LRRTM3: variants seen among roughly 807,000 people sequenced by gnomAD.
LRRTM3 encodes leucine-rich repeat transmembrane neuronal protein 3.
Under a neutral mutation model 44.7 loss-of-function variants are expected in LRRTM3, and 24 were observed. That is an observed-to-expected ratio of 0.54 (90% CI 0.39 to 0.76). The LOEUF (loss-of-function observed/expected upper bound fraction) is 0.76, where lower values mean the gene tolerates loss of function less well. Ranked by LOEUF, LRRTM3 falls within the 30% of genes least tolerant of loss-of-function variation. LRRTM3 has a pLI of 0.00. For synonymous variants in LRRTM3, 277 were observed against 278.7 expected, an observed-to-expected ratio of 0.99 and a Z score of 0.06; for missense variants, 587 against 702.2, an observed-to-expected ratio of 0.84 and a Z score of 1.85.
At chr10:67,080,631 C>T (rs1431166022) in intron 2 of LRRTM3, among the ~76,000 whole-genome samples, 2 of 152,062 alleles carry the variant, frequency 1.3e-5, no homozygotes, top group Non-Finnish European at 2.9e-5. Context: ...AAGTAACGGC[C>T]GGGCATGGTG....
intron 2 of LRRTM3, among the ~76,000 whole-genome samples, chr10:67,076,427 A>G (rs1856755245): frequency 6.6e-6 from 1 of 152,238 alleles, no homozygotes; most frequent in African/African-American, 2.4e-5. Flanking sequence ...ATCATAATCC[A>G]CAATCACAGA....
intron 2 of LRRTM3, among the ~76,000 whole-genome samples, chr10:67,061,339 T>C (rs1485283387): frequency 6.6e-6 from 1 of 152,204 alleles, no homozygotes; most frequent in Non-Finnish European, 1.5e-5. Context: ...GTGAACTACA[T>C]GATGACAGCA....
chr10:66,973,708 C>G (rs1849859601), intron 2 of LRRTM3, among the ~76,000 whole-genome samples: 1 of 152,152 alleles, frequency 6.6e-6, no homozygotes, highest in African/African-American at 2.4e-5. Flanking sequence ...ACTGCAACCT[C>G]CATCTCCCAG....
At position 67,100,305 on chromosome 10, in the gene LRRTM3, C is replaced by T. The variant is rs57324361; in HGVS notation, c.*2509C>T. The stretch of plus-strand genomic sequence containing the variant: ...CCAAGGCCCTAAGCTACACCAAATA[C>T]GCCAGGAATTTTGAGACTTCTCATC... On this transcript the variant is annotated 3_prime_UTR_variant, in exon 3 of 3. Transcript: ENST00000361320. 1.2e-3 allele frequency among the ~76,000 whole-genome samples: 176 copies of T among 151,726 alleles called. No individual in the cohort carries two copies. The highest frequency in any genetic ancestry group is 3.9e-3 in the African/African-American group (161 of 41,456).
intron 2 of LRRTM3, among the ~76,000 whole-genome samples, chr10:66,968,228 G>A (rs1052467922): frequency 6.6e-6 from 1 of 151,622 alleles, no homozygotes; most frequent in Non-Finnish European, 1.5e-5. Context: ...TGTGGATTTT[G>A]GTATAGTTTT....
chr10:67,078,706 T>C (rs1373201742), intron 2 of LRRTM3, among the ~76,000 whole-genome samples: 3 of 152,094 alleles, frequency 2.0e-5, no homozygotes, highest in East Asian at 1.9e-4. Flanking sequence ...TTAGTAGACA[T>C]GGGGTTTCAC....
intron 2 of LRRTM3, among the ~76,000 whole-genome samples, chr10:66,959,266 G>C (rs1375637273): frequency 6.6e-6 from 1 of 152,132 alleles, no homozygotes; most frequent in Non-Finnish European, 1.5e-5. Flanking sequence ...CAAATCTTCA[G>C]TGATAATGGT....
chr10:67,004,995 C>A (rs1457275594), intron 2 of LRRTM3, among the ~76,000 whole-genome samples: 1 of 152,138 alleles, frequency 6.6e-6, no homozygotes, highest in African/African-American at 2.4e-5. Context: ...ACTATTTACT[C>A]GCCAAACCCT....
At chr10:67,076,585 T>C (rs1856764123) in intron 2 of LRRTM3, among the ~76,000 whole-genome samples, 1 of 152,218 alleles carries the variant, frequency 6.6e-6, no homozygotes, top group African/African-American at 2.4e-5. Context: ...TAAAAGCGTT[T>C]CTTTAAAAAT....
chr10:66,938,453 A>T (rs1737084829), intron 2 of LRRTM3, among the ~76,000 whole-genome samples: 1 of 152,200 alleles, frequency 6.6e-6, no homozygotes, highest in African/African-American at 2.4e-5. Context: ...TGAAAATATT[A>T]TTAAGAAAAT....
chr10:67,055,854 T>C (rs1292131061), intron 2 of LRRTM3, among the ~76,000 whole-genome samples: 1 of 152,158 alleles, frequency 6.6e-6, no homozygotes, highest in East Asian at 1.9e-4. Flanking sequence ...GTTGCCACTG[T>C]AAATGGCTGT....
rs529423933 is a variant in LRRTM3, at chr10:67,085,758, T to C, written c.1537-11829T>C. Among the ~76,000 whole-genome samples, 508 of 152,118 alleles carry C rather than the reference T, an allele frequency of 3.3e-3. 2 individuals carry two copies. The highest frequency in any genetic ancestry group is 0.014 in the Middle Eastern group (4 of 294). ...CAGTTCCCTGCCAATCTTTCCACTC[T>C]CAAGAATTTTCAAACTTTTACTAAT... On this transcript the variant is annotated intron_variant, in intron 2 of 2. Coordinates refer to ENST00000361320, the MANE Select transcript of LRRTM3 (RefSeq NM_178011.5).
chr10:67,048,742 TAGACAAC>T (rs1272911986), intron 2 of LRRTM3, among the ~76,000 whole-genome samples: 10 of 152,102 alleles, frequency 6.6e-5, no homozygotes, highest in African/African-American at 2.4e-4. Flanking sequence ...CAAAGTGAGG[TAGACAAC>T]AGAAAATGCC....
chr10:67,060,473 G>A (rs1855697696), intron 2 of LRRTM3, among the ~76,000 whole-genome samples: 1 of 152,112 alleles, frequency 6.6e-6, no homozygotes. Flanking sequence ...TTCCAATTGT[G>A]GCAGAAATAG....
chr10:66,961,901 G>C (rs78801677), intron 2 of LRRTM3, among the ~76,000 whole-genome samples: 1 of 152,110 alleles, frequency 6.6e-6, no homozygotes, highest in African/African-American at 2.4e-5. Context: ...AATGTTTGAA[G>C]TCATTCTTGA....
At chr10:67,026,911 T>A (rs1221549339) in intron 2 of LRRTM3, among the ~76,000 whole-genome samples, 1 of 152,218 alleles carries the variant, frequency 6.6e-6, no homozygotes, top group African/African-American at 2.4e-5. Flanking sequence ...TAAGATCACA[T>A]TAAAATAGAA....
In LRRTM3 at chr10:67,056,208, T is replaced by C. The variant is rs1255353270; in HGVS notation, c.1537-41379T>C. Among the ~76,000 whole-genome samples the C allele has an allele frequency of 4.6e-5, 7 of 152,084 alleles. No homozygotes were observed. In the East Asian group the frequency reaches 1.3e-3, roughly 29 times the overall value. On this transcript the variant is annotated intron_variant, in intron 2 of 2. Coordinates refer to ENST00000361320, the MANE Select transcript of LRRTM3 (RefSeq NM_178011.5). ...GTTGATTAACTGAGCTTTAATAAAA[T>C]ATGGTTGGTATACAAGTTCTAATTC...
intron 2 of LRRTM3, among the ~76,000 whole-genome samples, chr10:66,940,792 A>C (rs1847953665): frequency 6.6e-6 from 1 of 152,224 alleles, no homozygotes; most frequent in Non-Finnish European, 1.5e-5. Context: ...AAACAAAAAA[A>C]AAAACTTATC....
rs1331512750 is a variant in LRRTM3 at position 67,099,830 on chromosome 10, A to G, written c.*2034A>G. Reference sequence around the variant, plus strand: ...TAATCTTTATGTTTTCCATTTTCTAATTTCCTTGCAATGTATTATTCTTAT... The same window carrying G: ...TAATCTTTATGTTTTCCATTTTCTAGTTTCCTTGCAATGTATTATTCTTAT... On this transcript the variant is annotated 3_prime_UTR_variant, in exon 3 of 3. Transcript: ENST00000361320. 6.6e-6 allele frequency: 1 copy of G among 151,628 alleles called. No individual in the cohort carries two copies. The highest frequency in any genetic ancestry group is 1.5e-5 in the Non-Finnish European group (1 of 67,776). 9.4% of individuals were successfully genotyped at this position (151,628 alleles called of 1,614,324 possible). A position where few individuals can be genotyped will look rare whatever the true frequency, so the allele number is the denominator to read the frequency against.
Sources: gnomAD v4.1 joint callset for allele counts (sites outside exome capture counted in the v4.1 genomes callset) on GRCh38, gnomAD v4.1.1 for gene constraint, MANE v1.5 for transcripts, NCBI Gene and HGNC (gene_info 2026-07-23, HGNC 2026-07-21) for gene names.